The following ZNF385D variants were observed in gnomAD, a reference collection of about 807,000 sequenced individuals.
The protein encoded by ZNF385D is zinc finger protein 659.
Under a neutral mutation model 35.8 loss-of-function variants are expected in ZNF385D, and 15 were observed. That is an observed-to-expected ratio of 0.42 (90% confidence interval 0.28 to 0.64). The LOEUF (loss-of-function observed/expected upper bound fraction) is 0.64. Among genes scored for constraint, ZNF385D ranks in the 30% least tolerant of loss-of-function variants. ZNF385D has a pLI of 0.23. For synonymous variants in ZNF385D, 212 were observed against 186.8 expected, an observed-to-expected ratio of 1.13 and a Z score of -1.10; for missense variants, 474 against 494.6, an observed-to-expected ratio of 0.96 and a Z score of 0.39.
intron 3 of ZNF385D, among the ~76,000 whole-genome samples, chr3:21,890,561 G>A (rs1698798021): frequency 6.6e-6 from 1 of 152,176 alleles, no homozygotes; most frequent in Admixed American, 6.5e-5. Context: ...GGAGGTTGCA[G>A]TGAGCCAAGA....
At chr3:21,739,681 G>A (rs559765630) in intron 1 of ZNF385D, among the ~76,000 whole-genome samples, 4 of 152,304 alleles carry the variant, frequency 2.6e-5, no homozygotes, top group Admixed American at 6.5e-5. Context: ...AAGGGCAGGA[G>A]ATGATTTAAA....
At chr3:22,370,936 C>T (rs1696874040) in intron 2 of ZNF385D, among the ~76,000 whole-genome samples, 1 of 152,172 alleles carries the variant, frequency 6.6e-6, no homozygotes. Context: ...CAGACAACTT[C>T]CAGCACTTCA....
At chr3:22,049,336 T>TAAAA (rs1257668320) in intron 3 of ZNF385D, among the ~76,000 whole-genome samples, 2 of 89,922 alleles carry the variant, frequency 2.2e-5, no homozygotes, top group East Asian at 4.1e-4. Context: ...ATAAAATAAA[T>TAAAA]AAAAAATGCG....
intron 1 of ZNF385D, among the ~76,000 whole-genome samples, chr3:21,684,175 G>T (rs75513073): frequency 1.3e-5 from 2 of 149,274 alleles, no homozygotes; most frequent in African/African-American, 4.9e-5. Context: ...CAACTTTCAA[G>T]CACGCTCTTT....
intron 2 of ZNF385D, among the ~76,000 whole-genome samples, chr3:21,618,090 C>T (rs1488456409): frequency 2.0e-5 from 3 of 152,144 alleles, no homozygotes; most frequent in Non-Finnish European, 4.4e-5. Context: ...ATGTCCTAAT[C>T]CCAGAAACCT....
At chr3:21,659,446 T>A (rs1413736562) in intron 2 of ZNF385D, among the ~76,000 whole-genome samples, 3 of 152,142 alleles carry the variant, frequency 2.0e-5, no homozygotes, top group Non-Finnish European at 2.9e-5. Context: ...TAGAAAAATG[T>A]TGGCCTGTAA....
rs528676060 is a variant in ZNF385D at position 21,538,526 on chromosome 3, C to G, written c.276+26048G>C. On this transcript the variant is annotated intron_variant, in intron 3 of 7. Transcript: ENST00000281523. ...ACATAAAATAACTTCAGTGGAATCT[C>G]TGCTTCCACTGAGGTTTTAATTCTT... Among the ~76,000 whole-genome samples, 13 of 152,202 alleles carry G rather than the reference C, an allele frequency of 8.5e-5. No homozygotes were observed. The East Asian group carries it at 1.4e-3, about 16-fold the overall frequency.
At chr3:22,078,960 G>T (rs376552345) in intron 3 of ZNF385D, among the ~76,000 whole-genome samples, 1 of 151,922 alleles carries the variant, frequency 6.6e-6, no homozygotes, top group Non-Finnish European at 1.5e-5. Context: ...TTTATTTCAA[G>T]TGTGTTAAGA....
intron 3 of ZNF385D, among the ~76,000 whole-genome samples, chr3:21,516,558 G>T (rs369983812): frequency 1.3e-5 from 2 of 152,034 alleles, no homozygotes; most frequent in Admixed American, 6.5e-5. Context: ...CATAACACAC[G>T]TTACTCTTGT....
chr3:21,746,505 T>C (rs1264791115), intron 1 of ZNF385D, among the ~76,000 whole-genome samples: 2 of 152,240 alleles, frequency 1.3e-5, no homozygotes, highest in East Asian at 3.8e-4. Flanking sequence ...TTTCTGATAG[T>C]ATTCACCTGT....
At chr3:21,542,658 G>T (rs66752951) in intron 3 of ZNF385D, among the ~76,000 whole-genome samples, 9,944 of 152,046 alleles carry the variant, frequency 0.065, 790 homozygotes, top group East Asian at 0.36. Context: ...GGTGAGGGGG[G>T]TACCCTGGAC....
At chr3:21,673,625 T>C (rs548571646) in intron 1 of ZNF385D, among the ~76,000 whole-genome samples, 1 of 152,098 alleles carries the variant, frequency 6.6e-6, no homozygotes, top group Admixed American at 6.6e-5. Context: ...GAGATGACCA[T>C]GGCAGTCTAT....
intron 2 of ZNF385D, among the ~76,000 whole-genome samples, chr3:21,639,700 A>G (rs1336032495): frequency 1.3e-5 from 2 of 152,052 alleles, no homozygotes; most frequent in Non-Finnish European, 2.9e-5. Context: ...CCTATGCATG[A>G]TAGTCTCATT....
intron 3 of ZNF385D, among the ~76,000 whole-genome samples, chr3:21,780,354 G>A (rs2071441766): frequency 1.3e-5 from 2 of 151,592 alleles, no homozygotes; most frequent in African/African-American, 4.8e-5. Context: ...CTACCACCAG[G>A]GGATTCATGT....
chr3:21,726,988 A>G (rs1398241393), intron 1 of ZNF385D, among the ~76,000 whole-genome samples: 1 of 152,194 alleles, frequency 6.6e-6, no homozygotes, highest in Non-Finnish European at 1.5e-5. Context: ...AGACCAATGG[A>G]ACAGAACAGA....
At chr3:22,321,362 T>TA (rs1032687442) in intron 2 of ZNF385D, among the ~76,000 whole-genome samples, 2 of 151,840 alleles carry the variant, frequency 1.3e-5, no homozygotes, top group Non-Finnish European at 2.9e-5. Flanking sequence ...GTACTTTTTT[T>TA]AAAAAAAATT....
intron 2 of ZNF385D, among the ~76,000 whole-genome samples, chr3:21,638,323 A>G (rs1165622873): frequency 6.6e-6 from 1 of 152,026 alleles, no homozygotes; most frequent in Admixed American, 6.6e-5. Context: ...TTTCCCTCTG[A>G]GCAGAGGGCA....
intron 3 of ZNF385D, among the ~76,000 whole-genome samples, chr3:21,920,749 T>G (rs1700417204): frequency 6.6e-6 from 1 of 152,156 alleles, no homozygotes; most frequent in African/African-American, 2.4e-5. Flanking sequence ...ACTGGCGCTC[T>G]TAAAACTAAA....
intron 2 of ZNF385D, among the ~76,000 whole-genome samples, chr3:21,611,011 T>C (rs868731601): frequency 6.6e-6 from 1 of 152,208 alleles, no homozygotes; most frequent in African/African-American, 2.4e-5. Flanking sequence ...TTTCTTGTCA[T>C]AGACCCTTTT....
Sources: allele counts gnomAD v4.1 joint callset (sites outside exome capture counted in the v4.1 genomes callset), GRCh38; gene constraint gnomAD v4.1.1; transcripts MANE v1.5; gene names NCBI Gene and HGNC (gene_info 2026-07-23, HGNC 2026-07-21).